The following TIMM21 variants were observed in gnomAD, a reference collection of about 807,000 sequenced individuals.
TIMM21 encodes translocase of inner mitochondrial membrane 21.
In TIMM21, 30 loss-of-function variants were observed where a neutral mutation model predicts 27.7. That is an observed-to-expected ratio of 1.08 (90% CI 0.81 to 1.47). The LOEUF (loss-of-function observed/expected upper bound fraction) is 1.47. Among genes scored for constraint, TIMM21 ranks in the 40% most tolerant of loss-of-function variants. TIMM21 has a pLI of 0.00. For synonymous variants in TIMM21, 121 were observed against 114.4 expected, an observed-to-expected ratio of 1.06 and a Z score of -0.37; for missense variants, 292 against 302.9, an observed-to-expected ratio of 0.96 and a Z score of 0.27.
rs1240500837 is a variant in TIMM21, at chr18:74,155,030, G to A, written c.302-115G>A. ...AAACAGCTGCCCCTGAACACACACA[G>A]ACCCCTTGCTTTGATCTGGAGGCTG... On this transcript the variant is annotated intron_variant, in intron 1 of 5. Transcript: ENST00000169551. 5.3e-6 allele frequency: 5 copies of A among 944,834 alleles called. No individual in the cohort carries two copies. In the East Asian group the frequency reaches 7.2e-5, roughly 14 times the overall value. 58.5% of individuals were successfully genotyped at this position (944,834 alleles called of 1,614,324 possible).
chr18:74,155,281 T>G, intron 2 of TIMM21, 25 bp from the exon 3 acceptor site: 1 of 1,612,260 alleles, frequency 6.2e-7, no homozygotes, highest in Non-Finnish European at 8.5e-7. Flanking sequence ...TTGCTTCGCT[T>G]CATCTTTGTT....
chr18:74,158,663 G>T lies in TIMM21; in HGVS notation c.*183G>T. The T allele has an allele frequency of 1.9e-6, 1 of 523,202 alleles. No homozygotes were observed. The highest frequency in any genetic ancestry group is 2.3e-5 in the South Asian group (1 of 42,884). The allele number at this position is 523,202 out of a possible 1,614,324, so 32.4% of individuals were successfully genotyped here. ...TCTTACGGAAAAATTATGAAATACAGCATATTTTATGTTCTCCCATTGACT... is the reference window on the plus strand; with the variant it reads ...TCTTACGGAAAAATTATGAAATACATCATATTTTATGTTCTCCCATTGACT... On this transcript the variant is annotated 3_prime_UTR_variant, in exon 6 of 6. Transcript: ENST00000169551.
At chr18:74,149,321 T>A (rs567118716) in intron 1 of TIMM21, among the ~76,000 whole-genome samples, 10 of 152,374 alleles carry the variant, frequency 6.6e-5, no homozygotes, top group Non-Finnish European at 1.0e-4. Flanking sequence ...GAATTTGATA[T>A]AACTTTTTTT....
intron 1 of TIMM21, among the ~76,000 whole-genome samples, chr18:74,154,269 C>CTTT (rs796141852): frequency 6.8e-6 from 1 of 147,354 alleles, no homozygotes. Flanking sequence ...CTGACACTGT[C>CTTT]TTTTTTTTTT....
At chr18:74,150,416 T>C (rs1256995048) in intron 1 of TIMM21, among the ~76,000 whole-genome samples, 1 of 152,198 alleles carries the variant, frequency 6.6e-6, no homozygotes, top group Non-Finnish European at 1.5e-5. Context: ...TTTTAATTAA[T>C]TTAAAATTGA....
chr18:74,149,726 GTC>G (rs1979746325), intron 1 of TIMM21, among the ~76,000 whole-genome samples: 1 of 152,036 alleles, frequency 6.6e-6, no homozygotes, highest in Non-Finnish European at 1.5e-5. Context: ...TTGTTTTAGA[GTC>G]TGCTGACTAT....
At chr18:74,154,710 A>G (rs1444928334) in intron 1 of TIMM21, among the ~76,000 whole-genome samples, 1 of 152,220 alleles carries the variant, frequency 6.6e-6, no homozygotes. Context: ...CTGGCCAACC[A>G]TATTCCTACT....
rs1979839731 is a variant in TIMM21, at chr18:74,152,587, G to C, written c.302-2558G>C. On this transcript the variant is annotated intron_variant, in intron 1 of 5. Transcript: ENST00000169551. This position sits in a 1 kb window ranked among gnomAD's most constrained non-coding sequence, Gnocchi z 4.1. ...GTCCCCATTGGTGAGAGCTGCATCA[G>C]CTGCACTACAGCTCTATGACAGGTG... 6.6e-6 allele frequency among the ~76,000 whole-genome samples: 1 copy of C among 152,178 alleles called. No individual in the cohort carries two copies. The highest frequency in any genetic ancestry group is 1.5e-5 in the Non-Finnish European group (1 of 68,026).
At chr18:74,157,929 C>T (rs1232768169) in intron 3 of TIMM21, 85 bp from the exon 4 acceptor site, 8 of 1,438,902 alleles carry the variant, frequency 5.6e-6, no homozygotes, top group Admixed American at 4.1e-5. Flanking sequence ...ATTTTTTTTT[C>T]CTAAAATCAT....
chr18:74,153,851 A>G (rs1979874988), intron 1 of TIMM21, among the ~76,000 whole-genome samples: 1 of 152,208 alleles, frequency 6.6e-6, no homozygotes, highest in Non-Finnish European at 1.5e-5. Context: ...TTTTCTTCCA[A>G]AAGTTTTTTT....
intron 1 of TIMM21, among the ~76,000 whole-genome samples, chr18:74,153,637 T>C (rs553344010): frequency 1.3e-5 from 2 of 152,338 alleles, no homozygotes; most frequent in East Asian, 3.9e-4. Flanking sequence ...ATTACACAGA[T>C]TTTGGCAGAT....
In TIMM21 at chr18:74,158,064, G is replaced by A. The variant is rs147639469; in HGVS notation, c.513G>A (p.Arg171=). The change falls in exon 4 of 6, where the codon AGG becomes AGA. Residue 171 remains arginine (R), a synonymous_variant. Coordinates refer to ENST00000169551, the MANE Select transcript of TIMM21 (RefSeq NM_014177.3). ...TTAAAGGCTATGGGGAGGTGACAAG[G>A]CGGGGTCGCCGGCAGCATGTCAGGT... ...ESVKGYGEVT[R]RGRRQHVRFT... is the part of the protein sequence containing the mutation. 217 of 1,614,112 alleles carry A rather than the reference G, an allele frequency of 1.3e-4. No individual in the cohort carries two copies. Among genetic ancestry groups the A allele is most frequent in the Non-Finnish European group, 1.7e-4 (204 of 1,180,046 alleles).
intron 1 of TIMM21, among the ~76,000 whole-genome samples, chr18:74,151,942 C>CCCG (rs1568190891): frequency 6.9e-6 from 1 of 145,158 alleles, no homozygotes; most frequent in East Asian, 2.0e-4. Flanking sequence ...TATGTTCCCC[C>CCCG]CCCCCCCGGG....
In TIMM21 at chr18:74,159,818, TC is replaced by T. The variant is rs367659478; in HGVS notation, c.*1340del. On this transcript the variant is annotated 3_prime_UTR_variant, in exon 6 of 6. Coordinates refer to ENST00000169551, the MANE Select transcript of TIMM21 (RefSeq NM_014177.3). ...GTCAACATTTAACAGGCTGAGAAGT[TC>T]CACTTGCTATCCTAAACTCAAAAAA... The T allele has an allele frequency of 1.3e-5, 2 of 152,222 alleles. No homozygotes were observed. Among genetic ancestry groups the T allele is most frequent in the Non-Finnish European group, 2.9e-5 (2 of 68,042 alleles). The allele number at this position is 152,222 out of a possible 1,614,324, so 9.4% of individuals were successfully genotyped here.
Position 74,159,629 on chromosome 18 carries a change from T to TTTAA in TIMM21, c.*1153_*1156dup, listed in dbSNP as rs1980050799. The TTTAA allele has an allele frequency of 6.6e-6, 1 of 152,188 alleles. No homozygotes were observed. Among genetic ancestry groups the TTTAA allele is most frequent in the South Asian group, 2.1e-4 (1 of 4,830 alleles). The allele number at this position is 152,188 out of a possible 1,614,324, so 9.4% of individuals were successfully genotyped here. On this transcript the variant is annotated 3_prime_UTR_variant, in exon 6 of 6. Transcript: ENST00000169551. ...GGTTTGACTGCTTGTTTTAGATGTTTTTAATTATAAAAATTTCCAACATTT... is the reference window on the plus strand; with the variant it reads ...GGTTTGACTGCTTGTTTTAGATGTTTTTAATTAATTATAAAAATTTCCAACATTT...
chr18:74,151,943 C>CCCCG (rs1555682306), intron 1 of TIMM21, among the ~76,000 whole-genome samples: 1 of 145,886 alleles, frequency 6.9e-6, no homozygotes, highest in African/African-American at 2.7e-5. Context: ...ATGTTCCCCC[C>CCCCG]CCCCCCGGGG....
In TIMM21 at chr18:74,159,577, C is replaced by T. The variant is rs1980049892; in HGVS notation, c.*1097C>T. 1 of 152,038 alleles carries T rather than the reference C, an allele frequency of 6.6e-6. No homozygotes were observed. The highest frequency in any genetic ancestry group is 1.5e-5 in the Non-Finnish European group (1 of 68,010). 9.4% of individuals were successfully genotyped at this position (152,038 alleles called of 1,614,324 possible). A position where few individuals can be genotyped will look rare whatever the true frequency, so the allele number is the denominator to read the frequency against. ...AATCTATCTCCCCTTTTTACTTTAT[C>T]TCCCTGCTTAATTTAGTTAGTTTCT... On this transcript the variant is annotated 3_prime_UTR_variant, in exon 6 of 6. Coordinates refer to ENST00000169551, the MANE Select transcript of TIMM21 (RefSeq NM_014177.3).
intron 3 of TIMM21, 95 bp from the exon 4 acceptor site, chr18:74,157,919 A>ATTTTTTTT: frequency 7.3e-7 from 1 of 1,371,798 alleles, no homozygotes; most frequent in Non-Finnish European, 1.0e-6. Flanking sequence ...AAGCTTACTG[A>ATTTTTTTT]TTTTTTTTTC....
intron 3 of TIMM21, 187 bp downstream of exon 3, chr18:74,155,590 G>T: frequency 1.8e-6 from 1 of 570,710 alleles, no homozygotes; most frequent in Non-Finnish European, 3.0e-6. Context: ...TCAGTGTACA[G>T]ATGTTTTCAT....
Sources: allele counts gnomAD v4.1 joint callset (sites outside exome capture counted in the v4.1 genomes callset), GRCh38; gene constraint gnomAD v4.1.1; non-coding constraint Gnocchi (gnomAD v3.1); transcripts MANE v1.5; gene names NCBI Gene and HGNC (gene_info 2026-07-23, HGNC 2026-07-21).